The following CRB1 variants were observed in gnomAD, a reference collection of about 807,000 sequenced individuals.
The protein encoded by CRB1 is crumbs cell polarity complex component 1.
In CRB1, 83 loss-of-function variants were observed where a neutral mutation model predicts 120.0. The ratio of observed to expected loss-of-function variants is 0.69; its 90% confidence interval spans 0.58 to 0.83. CRB1 has a LOEUF of 0.83. Among genes scored for constraint, CRB1 ranks in the 40% least tolerant of loss-of-function variants. The pLI, the probability that CRB1 is intolerant of heterozygous loss-of-function variation, is 0.00. For missense variants in CRB1, 1,699 were observed against 1,687.6 expected (o/e 1.01, Z -0.12); for synonymous variants, 625 against 612.5 (o/e 1.02, Z -0.30).
intron 11 of CRB1, among the ~76,000 whole-genome samples, chr1:197,473,298 A>G (rs75050972): frequency 0.014 from 2,196 of 152,318 alleles, 66 homozygotes; most frequent in African/African-American, 0.051. Flanking sequence ...TTCTGGGATT[A>G]AGAGGAAAAC....
At chr1:197,431,279 G>C (rs1208334707) in intron 8 of CRB1, among the ~76,000 whole-genome samples, 1 of 151,898 alleles carries the variant, frequency 6.6e-6, no homozygotes, top group Non-Finnish European at 1.5e-5. Context: ...ACATTACACT[G>C]TATATACACT....
the CRB1 span, among the ~76,000 whole-genome samples, chr1:197,253,964 A>T: frequency 6.6e-6 from 1 of 152,078 alleles, no homozygotes; most frequent in East Asian, 1.9e-4. Flanking sequence ...TCAGCAAATA[A>T]ATATTCCCAG....
At chr1:197,389,769 C>G (rs1434527756) in intron 5 of CRB1, among the ~76,000 whole-genome samples, 1 of 152,018 alleles carries the variant, frequency 6.6e-6, no homozygotes, top group African/African-American at 2.4e-5. Flanking sequence ...TAAGTGGTCT[C>G]TCAGAGGTCT....
intron 1 of CRB1, among the ~76,000 whole-genome samples, chr1:197,320,224 A>T (rs1056155329): frequency 3.3e-5 from 5 of 152,178 alleles, no homozygotes; most frequent in African/African-American, 1.2e-4. Flanking sequence ...TCACTCTGAC[A>T]TAGATCACTC....
At chr1:197,354,834 CCCCG>C (rs1660363913) in intron 4 of CRB1, among the ~76,000 whole-genome samples, 4 of 15,842 alleles carry the variant, frequency 2.5e-4, no homozygotes, top group Non-Finnish European at 1.1e-3. Flanking sequence ...CACCCCCCCC[CCCCG>C]CCCACCCCCC....
At chr1:197,467,157 A>G (rs1286169400) in intron 11 of CRB1, among the ~76,000 whole-genome samples, 1 of 152,194 alleles carries the variant, frequency 6.6e-6, no homozygotes, top group Non-Finnish European at 1.5e-5. Flanking sequence ...TATTTTCCTT[A>G]TAAAAATTGT....
chr1:197,325,407 T>C (rs1362403086), intron 1 of CRB1, among the ~76,000 whole-genome samples: 2 of 152,222 alleles, frequency 1.3e-5, no homozygotes, highest in Non-Finnish European at 1.5e-5. Context: ...TATAAAATCG[T>C]CAGTCTTCTA....
At chr1:197,224,472 G>A in the CRB1 span, among the ~76,000 whole-genome samples, 2 of 152,032 alleles carry the variant, frequency 1.3e-5, no homozygotes, top group African/African-American at 4.8e-5. Context: ...TAATATCAGA[G>A]AGCTGATTAT....
chr1:197,257,761 C>T, the CRB1 span, among the ~76,000 whole-genome samples: 3 of 152,146 alleles, frequency 2.0e-5, no homozygotes, highest in Admixed American at 1.3e-4. Context: ...CATTAGTTGC[C>T]TTAGTTCCCA....
intron 1 of CRB1, among the ~76,000 whole-genome samples, chr1:197,277,134 A>G (rs1483562211): frequency 6.6e-6 from 1 of 151,932 alleles, no homozygotes; most frequent in Non-Finnish European, 1.5e-5. Flanking sequence ...CTAAATAATA[A>G]AAGTTTTCAT....
At chr1:197,284,798 T>C (rs2125226113) in intron 1 of CRB1, among the ~76,000 whole-genome samples, 1 of 149,802 alleles carries the variant, frequency 6.7e-6, no homozygotes, top group East Asian at 1.9e-4. Context: ...GTGCATATTC[T>C]GATATTGTAA....
chr1:197,276,572 G>C (rs1655220665), intron 1 of CRB1, among the ~76,000 whole-genome samples: 1 of 151,702 alleles, frequency 6.6e-6, no homozygotes, highest in Admixed American at 6.6e-5. Context: ...ATTGTGAGCT[G>C]GCAAAAAGTG....
intron 5 of CRB1, among the ~76,000 whole-genome samples, chr1:197,409,581 C>T (rs1262165754): frequency 6.6e-6 from 1 of 151,946 alleles, no homozygotes; most frequent in East Asian, 1.9e-4. Flanking sequence ...ATTATTTTTT[C>T]GGAGGGAGCA....
intron 10 of CRB1, 149 bp downstream of exon 10, chr1:197,438,824 A>G: frequency 1.1e-6 from 1 of 914,740 alleles, no homozygotes; most frequent in South Asian, 1.7e-5. Flanking sequence ...GAAACAATAA[A>G]AAAGAAGAAA....
At chr1:197,398,676 A>G (rs890252962) in intron 5 of CRB1, among the ~76,000 whole-genome samples, 4 of 152,168 alleles carry the variant, frequency 2.6e-5, no homozygotes, top group African/African-American at 9.6e-5. Context: ...AACATAAGAA[A>G]AGGAAGAGGT....
chr1:197,288,398 C>T (rs1655961793), intron 1 of CRB1, among the ~76,000 whole-genome samples: 1 of 151,772 alleles, frequency 6.6e-6, no homozygotes, highest in African/African-American at 2.4e-5. Flanking sequence ...TGCTGCTTAA[C>T]AAATCTTAAA....
Position 197,421,489 on chromosome 1 carries a change from T to G in CRB1, c.1661T>G (p.Val554Gly), listed in dbSNP as rs773589572. The change falls in exon 6 of 12, where the codon GTG becomes GGG. Residue 554 changes from valine to glycine, a missense_variant. Coordinates refer to ENST00000367400, the MANE Select transcript of CRB1 (RefSeq NM_201253.3). ...LSIQVNNQSK[V>G]LLFISHNTSD... The stretch of plus-strand genomic sequence containing the variant: ...ATTCAGGTCAATAATCAGTCAAAGG[T>G]GCTTCTGTTCATTTCCCACAACACC... 8 of 1,614,094 alleles carry G rather than the reference T, an allele frequency of 5.0e-6. No homozygotes were observed. In the Admixed American group the frequency reaches 1.3e-4, roughly 27 times the overall value.
intron 5 of CRB1, among the ~76,000 whole-genome samples, chr1:197,361,201 T>TC (rs948861343): frequency 2.4e-4 from 34 of 143,162 alleles, no homozygotes; most frequent in South Asian, 6.6e-4. Context: ...TTTCTCTCTC[T>TC]TTTTTTTTTT....
At chr1:197,379,468 T>C (rs1661823865) in intron 5 of CRB1, among the ~76,000 whole-genome samples, 1 of 151,764 alleles carries the variant, frequency 6.6e-6, no homozygotes, top group South Asian at 2.1e-4. Context: ...CCTGGCAAAT[T>C]TTTTTGTATT....
Sources: gnomAD v4.1 joint callset for allele counts (sites outside exome capture counted in the v4.1 genomes callset) on GRCh38, gnomAD v4.1.1 for gene constraint, MANE v1.5 for transcripts, NCBI Gene and HGNC (gene_info 2026-07-23, HGNC 2026-07-21) for gene names.